Variants in PCP4 observed in about 807,000 individuals in gnomAD.
PCP4 encodes the protein Purkinje cell protein 4.
PCP4 carries 8 observed loss-of-function variants against 10.0 expected under a neutral mutation model. The ratio of observed to expected loss-of-function variants is 0.80; its 90% CI spans 0.47 to 1.45. PCP4 has a LOEUF of 1.45. Among genes scored for constraint, PCP4 ranks in the 40% most tolerant of loss-of-function variants. PCP4 has a pLI of 0.00. For synonymous variants in PCP4, 21 were observed against 23.0 expected (o/e 0.91, Z 0.24); for missense variants, 54 against 74.4 (o/e 0.73, Z 1.01).
At chr21:39,880,124 ATATCTG>A (rs1363375482) in intron 1 of PCP4, among the ~76,000 whole-genome samples, 47 of 131,562 alleles carry the variant, frequency 3.6e-4, no homozygotes, top group Middle Eastern at 8.3e-3. Context: ...ATCTATATCT[ATATCTG>A]TATCTATATC....
chr21:39,919,762 A>G (rs1217023251), intron 2 of PCP4, among the ~76,000 whole-genome samples: 2 of 138,682 alleles, frequency 1.4e-5, no homozygotes, highest in African/African-American at 5.5e-5. Flanking sequence ...TGTAATGTGT[A>G]TTTGTGTATG....
chr21:39,928,527 C>A (rs1005041312), intron 2 of PCP4, among the ~76,000 whole-genome samples: 1 of 152,188 alleles, frequency 6.6e-6, no homozygotes, highest in African/African-American at 2.4e-5. Context: ...TTGCAATAAG[C>A]AAATCTTTCC....
chr21:39,869,106 T>G (rs1280061833), intron 1 of PCP4, among the ~76,000 whole-genome samples: 2 of 152,272 alleles, frequency 1.3e-5, no homozygotes, highest in East Asian at 3.9e-4. Context: ...ATATACAACT[T>G]ATCCAATAAG....
chr21:39,927,362 TATCTATC>T (rs899545700), intron 2 of PCP4, among the ~76,000 whole-genome samples: 7 of 59,036 alleles, frequency 1.2e-4, no homozygotes, highest in South Asian at 8.4e-4. Flanking sequence ...TCTATCTATC[TATCTATC>T]ATCTATCTAT....
intron 1 of PCP4, among the ~76,000 whole-genome samples, chr21:39,886,965 T>C (rs1322129416): frequency 6.6e-6 from 1 of 152,232 alleles, no homozygotes; most frequent in Non-Finnish European, 1.5e-5. Flanking sequence ...ACAACGGCCA[T>C]ATCCTACTTT....
intron 1 of PCP4, among the ~76,000 whole-genome samples, chr21:39,895,984 T>G (rs2087455020): frequency 6.6e-6 from 1 of 152,234 alleles, no homozygotes; most frequent in South Asian, 2.1e-4. Context: ...GATCATTTTT[T>G]GATGTGAGAC....
At chr21:39,900,715 A>G (rs1234790412) in intron 2 of PCP4, among the ~76,000 whole-genome samples, 3 of 152,052 alleles carry the variant, frequency 2.0e-5, no homozygotes, top group Non-Finnish European at 4.4e-5. Context: ...CTGGGAATTC[A>G]GATGTTCCTC....
chr21:39,909,563 G>T (rs1173846228), intron 2 of PCP4, among the ~76,000 whole-genome samples: 3 of 151,986 alleles, frequency 2.0e-5, no homozygotes, highest in South Asian at 2.1e-4. Context: ...TTTTCCTCTT[G>T]GGATGTGGAA....
In PCP4 at chr21:39,917,508, C is replaced by T. The variant is rs561545880; in HGVS notation, c.62-11476C>T. Reference sequence around the variant, plus strand: ...TGGAAGGAGGGTGCTTTGGGCAAGCCAGGCTGCCGGCTGCCGTCTTGGGCA... The same window carrying T: ...TGGAAGGAGGGTGCTTTGGGCAAGCTAGGCTGCCGGCTGCCGTCTTGGGCA... On this transcript the variant is annotated intron_variant, in intron 2 of 2. Transcript: ENST00000328619. 4.7e-4 allele frequency among the ~76,000 whole-genome samples: 71 copies of T among 152,302 alleles called. No individual in the cohort carries two copies. In the South Asian group the frequency reaches 0.014, roughly 31 times the overall value.
Position 39,925,814 on chromosome 21 carries a change from G to C in PCP4, c.62-3170G>C, listed in dbSNP as rs112096364. 9.0e-3 allele frequency among the ~76,000 whole-genome samples: 1,371 copies of C among 152,234 alleles called. 20 individuals carry two copies. Among genetic ancestry groups the C allele is most frequent in the African/African-American group, 0.03 (1,261 of 41,542 alleles). On this transcript the variant is annotated intron_variant, in intron 2 of 2. Transcript: ENST00000328619. ...AGGGCCACCCTGCTCCTGTGGCCTTGTCACTGCCACTGGGGTCATCCTTGG... is the reference window on the plus strand; with the variant it reads ...AGGGCCACCCTGCTCCTGTGGCCTTCTCACTGCCACTGGGGTCATCCTTGG...
chr21:39,903,883 A>C (rs1016283303), intron 2 of PCP4, among the ~76,000 whole-genome samples: 9 of 144,506 alleles, frequency 6.2e-5, no homozygotes, highest in Admixed American at 2.1e-4. Context: ...AAACAAAAAA[A>C]AAAAAAAAAA....
chr21:39,877,515 C>T (rs908992645), intron 1 of PCP4, among the ~76,000 whole-genome samples: 33 of 150,544 alleles, frequency 2.2e-4, no homozygotes, highest in Middle Eastern at 3.4e-3. Flanking sequence ...GGCGAAACCC[C>T]GTCTCTACCA....
intron 1 of PCP4, among the ~76,000 whole-genome samples, chr21:39,872,312 A>T (rs1344332103): frequency 1.3e-5 from 2 of 152,094 alleles, no homozygotes; most frequent in Middle Eastern, 6.4e-3. Context: ...GTTATTTTTT[A>T]AAATTCTAAT....
intron 1 of PCP4, among the ~76,000 whole-genome samples, chr21:39,897,206 G>C (rs1279642252): frequency 6.6e-6 from 1 of 151,952 alleles, no homozygotes; most frequent in Non-Finnish European, 1.5e-5. Context: ...TGGCCAACAT[G>C]GTGAAACCCC....
intron 2 of PCP4, among the ~76,000 whole-genome samples, chr21:39,920,254 GGTGTGGTGTGTGTGTGTGGTGTAGTGT>G (rs1216728072): frequency 2.4e-5 from 3 of 126,496 alleles, no homozygotes; most frequent in Non-Finnish European, 5.0e-5. Context: ...ATATGTGTTT[GGTGTGGTGTGTGTGTGTGGTGTAGTGT>G]GTGTGGTGTG....
chr21:39,901,607 T>A (rs2087482768), intron 2 of PCP4, among the ~76,000 whole-genome samples: 1 of 152,228 alleles, frequency 6.6e-6, no homozygotes, highest in African/African-American at 2.4e-5. Flanking sequence ...AGTGAGGTTT[T>A]TTATGGAGGT....
At chr21:39,922,362 C>T (rs1163534356) in intron 2 of PCP4, among the ~76,000 whole-genome samples, 1 of 152,212 alleles carries the variant, frequency 6.6e-6, no homozygotes, top group African/African-American at 2.4e-5. Context: ...CCTGAGCTTT[C>T]TCTTGTGACA....
rs1473063848 is a variant in PCP4, at chr21:39,927,349, C to CTA, written c.62-1633_62-1632dup. Among the ~76,000 whole-genome samples, 137 of 59,790 alleles carry CTA rather than the reference C, an allele frequency of 2.3e-3. 1 individual carries two copies. The highest frequency in any genetic ancestry group is 7.9e-3 in the African/African-American group (129 of 16,416). The allele number at this position is 59,790 out of a possible 152,430, so 39.2% of individuals were successfully genotyped here. A position where few individuals can be genotyped will look rare whatever the true frequency, so the allele number is the denominator to read the frequency against. On this transcript the variant is annotated intron_variant, in intron 2 of 2. Transcript: ENST00000328619. ...TCTATCTATCTATCTGTCTATCTAT[C>CTA]TATCTATCTATCTATCTATCATCTA...
At chr21:39,913,113 A>G (rs1352576863) in intron 2 of PCP4, among the ~76,000 whole-genome samples, 2 of 152,168 alleles carry the variant, frequency 1.3e-5, no homozygotes, top group Non-Finnish European at 2.9e-5. Flanking sequence ...TAATTTTAGT[A>G]TCTTTTTATA....
Sources: gnomAD v4.1 joint callset for allele counts (sites outside exome capture counted in the v4.1 genomes callset) on GRCh38, gnomAD v4.1.1 for gene constraint, MANE v1.5 for transcripts, NCBI Gene and HGNC (gene_info 2026-07-23, HGNC 2026-07-21) for gene names.